TENM4: variants seen among roughly 807,000 people sequenced by gnomAD.
The protein encoded by TENM4 is teneurin transmembrane protein 4.
A neutral mutation model predicts 243.3 loss-of-function variants in TENM4; 82 were observed. That is an observed-to-expected ratio of 0.34 (90% confidence interval 0.28 to 0.40). TENM4 has a LOEUF of 0.40. Ranked by LOEUF, TENM4 falls within the 10% of genes least tolerant of loss-of-function variation. The pLI is 1.00. For synonymous variants in TENM4, 1,412 were observed against 1,456.3 expected (o/e 0.97, Z 0.69); for missense variants, 3,138 against 3,673.3 (o/e 0.85, Z 3.77).
intron 6 of TENM4, among the ~76,000 whole-genome samples, chr11:78,985,876 G>A (rs1406067549): frequency 6.6e-6 from 1 of 152,156 alleles, no homozygotes; most frequent in Non-Finnish European, 1.5e-5. Flanking sequence ...CCCCCTCTGG[G>A]TCTACAGGCA....
At chr11:78,757,525 C>T (rs1856339127) in intron 18 of TENM4, among the ~76,000 whole-genome samples, 1 of 152,174 alleles carries the variant, frequency 6.6e-6, no homozygotes, top group South Asian at 2.1e-4. Flanking sequence ...ACTCCTGAAA[C>T]CAAAGGGGGC....
intron 2 of TENM4, among the ~76,000 whole-genome samples, chr11:79,293,883 C>G (rs895840799): frequency 3.3e-5 from 5 of 152,176 alleles, no homozygotes; most frequent in African/African-American, 2.4e-5. Flanking sequence ...ATAGGGCAGG[C>G]CCTCTAGGAC....
intron 12 of TENM4, among the ~76,000 whole-genome samples, chr11:78,814,831 G>A (rs1485098472): frequency 2.0e-5 from 3 of 152,144 alleles, no homozygotes; most frequent in Non-Finnish European, 4.4e-5. Context: ...AAGCTACTGA[G>A]CATTTACAAA....
rs17137573 is a variant in TENM4 at position 78,995,975 on chromosome 11, C to T, written c.493+68763G>A. 6.7e-3 allele frequency among the ~76,000 whole-genome samples: 1,016 copies of T among 152,200 alleles called. 13 individuals are homozygous for T. Among genetic ancestry groups the T allele is most frequent in the African/African-American group, 0.023 (940 of 41,522 alleles). ...GTTCCCATTGAGCCTAAACTGAGATCGCTTATGTAAGGTCATCAGCTCCTT... is the reference window on the plus strand; with the variant it reads ...GTTCCCATTGAGCCTAAACTGAGATTGCTTATGTAAGGTCATCAGCTCCTT... On this transcript the variant is annotated intron_variant, in intron 6 of 33. Coordinates refer to ENST00000278550, the MANE Select transcript of TENM4 (RefSeq NM_001098816.3).
At chr11:79,304,215 A>G (rs1000825588) in intron 1 of TENM4, among the ~76,000 whole-genome samples, 8 of 152,304 alleles carry the variant, frequency 5.3e-5, no homozygotes, top group Middle Eastern at 3.4e-3. Context: ...AGAAGGTGCA[A>G]GCTAATGTCT....
intron 3 of TENM4, among the ~76,000 whole-genome samples, chr11:79,157,584 A>G (rs1408669805): frequency 6.6e-6 from 1 of 152,164 alleles, no homozygotes; most frequent in East Asian, 1.9e-4. Context: ...TTTCAGAGCT[A>G]CAGTTTCTTC....
intron 6 of TENM4, among the ~76,000 whole-genome samples, chr11:78,980,733 A>T (rs1857773686): frequency 6.6e-6 from 1 of 152,188 alleles, no homozygotes. Context: ...CTTTACTTAT[A>T]GAAAAGGGAT....
At chr11:79,030,235 A>T (rs1439790887) in intron 6 of TENM4, among the ~76,000 whole-genome samples, 1 of 152,170 alleles carries the variant, frequency 6.6e-6, no homozygotes, top group Non-Finnish European at 1.5e-5. Context: ...CCTCACACTG[A>T]TGGGAGGATG....
At chr11:79,180,364 T>C (rs1485230956) in intron 3 of TENM4, among the ~76,000 whole-genome samples, 2 of 151,660 alleles carry the variant, frequency 1.3e-5, no homozygotes, top group East Asian at 1.9e-4. Flanking sequence ...AGAAACCTTA[T>C]GGCACATACG....
chr11:79,128,548 G>C (rs982131415), intron 4 of TENM4, among the ~76,000 whole-genome samples: 1 of 152,202 alleles, frequency 6.6e-6, no homozygotes, highest in African/African-American at 2.4e-5. Flanking sequence ...TGGCCTCATG[G>C]GGAGTTAGTT....
chr11:78,789,198 C>A (rs770546813), intron 15 of TENM4, among the ~76,000 whole-genome samples: 1 of 152,082 alleles, frequency 6.6e-6, no homozygotes, highest in Non-Finnish European at 1.5e-5. Flanking sequence ...GCTATAGGTG[C>A]CTGAGAATGG....
chr11:79,069,201 C>G (rs769595468), intron 5 of TENM4, among the ~76,000 whole-genome samples: 2 of 152,154 alleles, frequency 1.3e-5, no homozygotes, highest in Non-Finnish European at 2.9e-5. Context: ...GTCTAACCAT[C>G]TCGGGAAGGT....
intron 1 of TENM4, among the ~76,000 whole-genome samples, chr11:79,429,884 CTTA>C (rs1033906620): frequency 4.6e-5 from 7 of 152,174 alleles, no homozygotes; most frequent in Non-Finnish European, 8.8e-5. Context: ...CTGCCAAAGA[CTTA>C]TTATTATCCC....
chr11:79,081,802 C>T (rs919563217), intron 4 of TENM4, among the ~76,000 whole-genome samples: 3 of 152,022 alleles, frequency 2.0e-5, no homozygotes, highest in African/African-American at 7.3e-5. Flanking sequence ...TGTTTTTATC[C>T]CCCCAGCCCT....
intron 6 of TENM4, among the ~76,000 whole-genome samples, chr11:78,930,262 TAGAAA>T (rs1226859761): frequency 1.3e-5 from 2 of 152,178 alleles, no homozygotes; most frequent in Non-Finnish European, 2.9e-5. Flanking sequence ...GTGAATGACT[TAGAAA>T]GGAAGAGAAG....
In TENM4 at chr11:79,418,757, C is replaced by T. The variant is rs145812923; in HGVS notation, c.-321+21752G>A. 1.5e-3 allele frequency among the ~76,000 whole-genome samples: 231 copies of T among 152,340 alleles called. 1 individual carries two copies. Among genetic ancestry groups the T allele is most frequent in the Non-Finnish European group, 2.8e-3 (188 of 68,036 alleles). On this transcript the variant is annotated intron_variant, in intron 1 of 33. Transcript: ENST00000278550. ...AGGTGGCTCTTGTATGTCCCCTGTA[C>T]ATTTACACCCCACTCCAATTACTCC...
At chr11:78,883,059 A>C (rs1033937830) in intron 9 of TENM4, among the ~76,000 whole-genome samples, 1 of 152,240 alleles carries the variant, frequency 6.6e-6, no homozygotes, top group Non-Finnish European at 1.5e-5. Flanking sequence ...AGAGATATAG[A>C]AATACAGACT....
chr11:78,688,348 TC>T, intron 28 of TENM4, 122 bp from the exon 29 acceptor site: 1 of 1,032,042 alleles, frequency 9.7e-7, no homozygotes, highest in Non-Finnish European at 1.4e-6. Flanking sequence ...CTGGATACAT[TC>T]CCATGTCTCC....
At chr11:79,322,877 A>C (rs1180515009) in intron 1 of TENM4, among the ~76,000 whole-genome samples, 1 of 152,226 alleles carries the variant, frequency 6.6e-6, no homozygotes, top group African/African-American at 2.4e-5. Flanking sequence ...GAGAATCCTC[A>C]TAAAAAGGAC....
Sources: gnomAD v4.1 joint callset for allele counts (sites outside exome capture counted in the v4.1 genomes callset) on GRCh38, gnomAD v4.1.1 for gene constraint, MANE v1.5 for transcripts, NCBI Gene and HGNC (gene_info 2026-07-23, HGNC 2026-07-21) for gene names.